The following NRXN3 variants were observed in gnomAD, a reference collection of about 807,000 sequenced individuals.
The protein encoded by NRXN3 is neurexin III.
NRXN3 carries 32 observed loss-of-function variants against 137.6 expected under a neutral mutation model. That is an observed-to-expected ratio of 0.23 (90% CI 0.18 to 0.31). The LOEUF (loss-of-function observed/expected upper bound fraction) is 0.31. Among genes scored for constraint, NRXN3 ranks in the 10% least tolerant of loss-of-function variants. The probability of loss-of-function intolerance (pLI) is 1.00; values close to 1 mark genes in which losing one functional copy is unlikely to be tolerated. For missense variants in NRXN3, 1,574 were observed against 2,062.5 expected (o/e 0.76, Z 4.59); for synonymous variants, 798 against 784.5 (o/e 1.02, Z -0.29).
rs199563659 is a variant in NRXN3 at position 79,794,387 on chromosome 14, CA to C, written c.4015-10718del. On this transcript the variant is annotated intron_variant, in intron 19 of 20. Coordinates refer to ENST00000335750, the MANE Select transcript of NRXN3 (RefSeq NM_001330195.2). ...TCAAAAACAAAAACAAACAAACAAA[CA>C]AAAAAACAAAAAAAAAACAAGAAGA... is the stretch of plus-strand genomic sequence containing the variant. Among the ~76,000 whole-genome samples the C allele has an allele frequency of 3.3e-5, 5 of 151,262 alleles. 1 individual carries two copies. The highest frequency in any genetic ancestry group is 4.4e-5 in the Non-Finnish European group (3 of 67,794).
chr14:78,605,513 A>T (rs1479379743), intron 4 of NRXN3, among the ~76,000 whole-genome samples: 1 of 152,220 alleles, frequency 6.6e-6, no homozygotes, highest in East Asian at 1.9e-4. Flanking sequence ...AGGTCAGATC[A>T]AAACTAACCC....
intron 16 of NRXN3, among the ~76,000 whole-genome samples, chr14:79,473,661 C>A (rs1481747355): frequency 6.6e-6 from 1 of 152,172 alleles, no homozygotes; most frequent in Non-Finnish European, 1.5e-5. Flanking sequence ...AACAAGAAAA[C>A]AACAGAGGTA....
chr14:79,771,048 AC>A (rs1421260615), intron 19 of NRXN3, among the ~76,000 whole-genome samples: 1 of 152,226 alleles, frequency 6.6e-6, no homozygotes, highest in Non-Finnish European at 1.5e-5. Flanking sequence ...ATTCCTTGAA[AC>A]ATACACTCTC....
At chr14:79,423,957 A>G (rs1172521740) in intron 15 of NRXN3, among the ~76,000 whole-genome samples, 1 of 152,204 alleles carries the variant, frequency 6.6e-6, no homozygotes, top group Non-Finnish European at 1.5e-5. Context: ...GGAATGCTGT[A>G]GGTAGCCATT....
intron 15 of NRXN3, among the ~76,000 whole-genome samples, chr14:79,132,069 C>T (rs376167352): frequency 1.3e-3 from 195 of 152,358 alleles, no homozygotes; most frequent in African/African-American, 2.7e-3. Flanking sequence ...CTGACCTGCG[C>T]GCACTGTCTG....
chr14:78,459,136 AC>A (rs2094843238), intron 4 of NRXN3, among the ~76,000 whole-genome samples: 1 of 152,188 alleles, frequency 6.6e-6, no homozygotes, highest in African/African-American at 2.4e-5. Context: ...TCTACTGAAG[AC>A]CTGGTTATAT....
chr14:79,494,096 A>G (rs1312520678), intron 16 of NRXN3, among the ~76,000 whole-genome samples: 2 of 152,358 alleles, frequency 1.3e-5, no homozygotes, highest in African/African-American at 4.8e-5. Context: ...CATTAAATGT[A>G]TAGTTGGTGC....
rs370772236 is a variant in NRXN3 at position 79,186,417 on chromosome 14, C to T, written c.3262+198276C>T. ...CCATGTCTCTCTCTTTTTTATGAAT[C>T]ACCCACTAACATCTCCAGTGAATCA... On this transcript the variant is annotated intron_variant, in intron 15 of 20. Transcript: ENST00000335750. Among the ~76,000 whole-genome samples, 18 of 152,198 alleles carry T rather than the reference C, an allele frequency of 1.2e-4. No individual in the cohort carries two copies. The South Asian group carries it at 3.5e-3, about 30-fold the overall frequency.
chr14:78,424,979 TCAGTGTCTGAGGA>T (rs1234586015), intron 4 of NRXN3, among the ~76,000 whole-genome samples: 1 of 152,224 alleles, frequency 6.6e-6, no homozygotes, highest in East Asian at 1.9e-4. Context: ...CCTTGGTTGT[TCAGTGTCTGAGGA>T]CAGTGGCTTG....
chr14:78,891,985 AG>A (rs1185610900), intron 10 of NRXN3, among the ~76,000 whole-genome samples: 1 of 151,976 alleles, frequency 6.6e-6, no homozygotes, highest in African/African-American at 2.4e-5. Context: ...AAGCTTTATA[AG>A]GGGAAGTGAG....
chr14:79,284,390 C>T (rs537587958), intron 15 of NRXN3, among the ~76,000 whole-genome samples: 12 of 95,062 alleles, frequency 1.3e-4, no homozygotes, highest in Admixed American at 6.9e-4. Context: ...ATATATGTAT[C>T]TCCAATGTAC....
intron 15 of NRXN3, among the ~76,000 whole-genome samples, chr14:79,176,143 A>G (rs1596850872): frequency 6.6e-6 from 1 of 152,250 alleles, no homozygotes; most frequent in Non-Finnish European, 1.5e-5. Context: ...ATGTGAACGA[A>G]CCAACCACGT....
At chr14:78,833,045 C>G (rs564572114) in intron 10 of NRXN3, among the ~76,000 whole-genome samples, 1 of 152,284 alleles carries the variant, frequency 6.6e-6, no homozygotes, top group East Asian at 1.9e-4. Context: ...TGGAGATAGA[C>G]TCCATGAGGC....
intron 15 of NRXN3, among the ~76,000 whole-genome samples, chr14:79,234,293 A>AATAT (rs71131687): frequency 0.013 from 751 of 56,060 alleles, 11 homozygotes; most frequent in Non-Finnish European, 0.015. Flanking sequence ...TTCAATGGTA[A>AATAT]ATATATATAT....
rs193216660 is a variant in NRXN3, at chr14:78,368,000, A to T, written c.757+70140A>T. ...GGTAATTGCTTATTGCTTACAAACA[A>T]TTCATATGCTAATTGAAAGCTGCTC... On this transcript the variant is annotated intron_variant, in intron 4 of 20. Coordinates refer to ENST00000335750, the MANE Select transcript of NRXN3 (RefSeq NM_001330195.2). Among the ~76,000 whole-genome samples, 37 of 152,366 alleles carry T rather than the reference A, an allele frequency of 2.4e-4. 1 individual carries two copies. The East Asian group carries it at 7.1e-3, about 29-fold the overall frequency.
chr14:78,575,122 G>A (rs187584513), intron 4 of NRXN3, among the ~76,000 whole-genome samples: 2 of 152,296 alleles, frequency 1.3e-5, no homozygotes, highest in Non-Finnish European at 1.5e-5. Context: ...CGCCCTGTGA[G>A]GAGGTGACTT....
intron 15 of NRXN3, among the ~76,000 whole-genome samples, chr14:79,255,142 A>T (rs747640336): frequency 6.6e-6 from 1 of 152,036 alleles, no homozygotes; most frequent in East Asian, 1.9e-4. Flanking sequence ...TTGAAATTAA[A>T]CTCTTCTTCA....
chr14:79,032,249 A>G (rs1035179477), intron 15 of NRXN3, among the ~76,000 whole-genome samples: 1 of 152,186 alleles, frequency 6.6e-6, no homozygotes, highest in Non-Finnish European at 1.5e-5. Context: ...GCTAAAATTT[A>G]TAGCAATAAC....
rs566148211 is a variant in NRXN3, at chr14:79,136,348, A to T, written c.3262+148207A>T. Reference sequence around the variant, plus strand: ...ATCAAGGTCTGTCAGCCTATGCTCAAAGTGTCCTCTGCAGACTTTGTTGCC... The same window carrying T: ...ATCAAGGTCTGTCAGCCTATGCTCATAGTGTCCTCTGCAGACTTTGTTGCC... On this transcript the variant is annotated intron_variant, in intron 15 of 20. Coordinates refer to ENST00000335750, the MANE Select transcript of NRXN3 (RefSeq NM_001330195.2). Among the ~76,000 whole-genome samples, 3 of 152,336 alleles carry T rather than the reference A, an allele frequency of 2.0e-5. No homozygotes were observed. In the East Asian group the frequency reaches 5.8e-4, roughly 29 times the overall value.
Sources: gnomAD v4.1 joint callset for allele counts (sites outside exome capture counted in the v4.1 genomes callset) on GRCh38, gnomAD v4.1.1 for gene constraint, MANE v1.5 for transcripts, NCBI Gene and HGNC (gene_info 2026-07-23, HGNC 2026-07-21) for gene names.